Variants in WDR47 observed in about 807,000 individuals in gnomAD.
WDR47 encodes the protein WD repeat domain 47, also known as WD repeat-containing protein 47.
A neutral mutation model predicts 97.2 loss-of-function variants in WDR47; 32 were observed. The observed-to-expected ratio is 0.33, with a 90% CI of 0.25 to 0.44. WDR47 has a LOEUF of 0.44. WDR47 is among the 20% of genes least tolerant of loss of function. The pLI, the probability that WDR47 is intolerant of heterozygous loss-of-function variation, is 1.00. For missense variants in WDR47, 782 were observed against 1,102.3 expected (o/e 0.71, Z 4.11); for synonymous variants, 375 against 373.5 (o/e 1.00, Z -0.05).
In WDR47 at chr1:108,981,768, C is replaced by T; in HGVS notation, c.2363G>A (p.Cys788Tyr). 1.9e-6 allele frequency: 3 copies of T among 1,613,716 alleles called. No individual in the cohort carries two copies. Among genetic ancestry groups the T allele is most frequent in the South Asian group, 2.2e-5 (2 of 91,048 alleles). The change falls in exon 13 of 15, where the codon TGT becomes TAT. Residue 788 changes from cysteine (C) to tyrosine (Y), a missense_variant. Coordinates refer to ENST00000369962, the MANE Select transcript of WDR47 (RefSeq NM_001142551.2). ...AAATGTTGTGCCAACAACACGAACA[C>T]AACTTGGTACTCGAAGATCCCAAAA... The part of the protein sequence containing the change: ...VRFWDLRVPS[C>Y]VRVVGTTFHG...
At chr1:108,987,987 G>C (rs777616790) in intron 9 of WDR47, among the ~76,000 whole-genome samples, 1 of 151,684 alleles carries the variant, frequency 6.6e-6, no homozygotes, top group Non-Finnish European at 1.5e-5. Flanking sequence ...TATAATCCCA[G>C]CACTTTGTGA....
intron 9 of WDR47, 40 bp from the exon 10 acceptor site, chr1:108,986,720 T>C: frequency 6.8e-7 from 1 of 1,469,866 alleles, no homozygotes; most frequent in South Asian, 1.3e-5. Flanking sequence ...ATTAAAAAAA[T>C]GAATTTGAAA....
rs113641509 is a variant in WDR47 at position 108,983,509 on chromosome 1, G to C, written c.1926-58C>G. 1.5e-4 allele frequency: 213 copies of C among 1,426,904 alleles called. 4 individuals carry two copies. In the African/African-American group the frequency reaches 2.4e-3, roughly 16 times the overall value. 88.4% of individuals were successfully genotyped at this position (1,426,904 alleles called of 1,614,324 possible). On this transcript the variant is annotated intron_variant, in intron 10 of 14. Transcript: ENST00000369962. ...TTTCTTGCTTGCTACAATCAGTTATGAGGTTCCATATTATACTTGTTCTTG... is the reference window on the plus strand; with the variant it reads ...TTTCTTGCTTGCTACAATCAGTTATCAGGTTCCATATTATACTTGTTCTTG...
At chr1:109,026,084 T>C (rs1448871918) in intron 1 of WDR47, among the ~76,000 whole-genome samples, 1 of 151,918 alleles carries the variant, frequency 6.6e-6, no homozygotes, top group Admixed American at 6.6e-5. Context: ...TCTTGCTCTG[T>C]CACCTAGGTT....
At position 109,011,666 on chromosome 1, in the gene WDR47, T is replaced by G; in HGVS notation, c.380A>C (p.Tyr127Ser). 1 of 1,614,180 alleles carries G rather than the reference T, an allele frequency of 6.2e-7. No individual in the cohort carries two copies. The highest frequency in any genetic ancestry group is 8.5e-7 in the Non-Finnish European group (1 of 1,180,028). Residue 127 changes from tyrosine to serine, a missense_variant, in exon 5 of 15, where the codon TAC becomes TCC. Physicochemically the swap from Tyr to Ser is moderately radical, Grantham distance 144 (BLOSUM62 -2). Coordinates refer to ENST00000369962, the MANE Select transcript of WDR47 (RefSeq NM_001142551.2). ...ACTATAGTCATCTTTAGAAGGACAG[T>G]ATTCTTCTAGAGCATGTAAACATTG... ...AVQCLHALEE[Y>S]CPSKDDYSKL...
At chr1:108,990,996 T>A (rs917546548) in intron 9 of WDR47, among the ~76,000 whole-genome samples, 1 of 151,650 alleles carries the variant, frequency 6.6e-6, no homozygotes, top group Non-Finnish European at 1.5e-5. Flanking sequence ...GTGGGGTTTT[T>A]TTTTGTTTTT....
intron 13 of WDR47, among the ~76,000 whole-genome samples, chr1:108,975,053 C>G (rs1471102310): frequency 9.0e-6 from 1 of 110,726 alleles, no homozygotes; most frequent in East Asian, 2.7e-4. Context: ...AACCACTTTT[C>G]TCAATCCAGT....
chr1:109,039,558 G>T (rs953916230), intron 1 of WDR47, among the ~76,000 whole-genome samples: 1 of 152,006 alleles, frequency 6.6e-6, no homozygotes, highest in Admixed American at 6.6e-5. Context: ...ACGCCCAGCC[G>T]GTATAAACCC....
intron 2 of WDR47, 105 bp from the exon 3 acceptor site, chr1:109,017,706 A>C: frequency 2.4e-6 from 2 of 850,722 alleles, no homozygotes; most frequent in Non-Finnish European, 3.7e-6. Context: ...AAAGCACACA[A>C]TGAGATTAAC....
In WDR47 at chr1:108,983,433, C is replaced by T; in HGVS notation, c.1944G>A (p.Lys648=). ...VIDPSAHETP[K]QPVVRFKRNK... is the part of the protein sequence containing the mutation. ...TCCTTTTAAAACGTACCACCGGCTG[C>T]TTAGGAGTCTCATGTGCACTGAAAA... Residue 648 remains lysine (K), a synonymous_variant, in exon 11 of 15, where the codon AAG becomes AAA. Coordinates refer to ENST00000369962, the MANE Select transcript of WDR47 (RefSeq NM_001142551.2). 1.9e-6 allele frequency: 3 copies of T among 1,598,112 alleles called. No individual in the cohort carries two copies. Among genetic ancestry groups the T allele is most frequent in the South Asian group, 2.3e-5 (2 of 88,406 alleles).
intron 9 of WDR47, among the ~76,000 whole-genome samples, chr1:108,987,973 T>C (rs575134961): frequency 2.2e-4 from 33 of 151,856 alleles, no homozygotes; most frequent in African/African-American, 7.0e-4. Flanking sequence ...CGGTGGCTCA[T>C]GCCTATAATC....
At chr1:109,005,585 G>T (rs564599389) in intron 5 of WDR47, among the ~76,000 whole-genome samples, 5 of 152,118 alleles carry the variant, frequency 3.3e-5, no homozygotes. Context: ...TTTAAAATCA[G>T]TTGGGTGGGC....
intron 3 of WDR47, among the ~76,000 whole-genome samples, chr1:109,014,158 A>C (rs1661238213): frequency 6.6e-6 from 1 of 152,184 alleles, no homozygotes; most frequent in South Asian, 2.1e-4. Flanking sequence ...TTTATGGAAG[A>C]TATCAAATGT....
intron 1 of WDR47, among the ~76,000 whole-genome samples, chr1:109,036,512 G>A (rs1190100364): frequency 7.5e-6 from 1 of 133,448 alleles, no homozygotes; most frequent in African/African-American, 2.8e-5. Flanking sequence ...TACAGCCTGG[G>A]CGACTGAGCA....
At chr1:109,021,110 T>G (rs1661806152) in intron 2 of WDR47, among the ~76,000 whole-genome samples, 1 of 152,218 alleles carries the variant, frequency 6.6e-6, no homozygotes, top group Admixed American at 6.5e-5. Context: ...AATTTGGGAT[T>G]TTCCGTTTCT....
intron 13 of WDR47, among the ~76,000 whole-genome samples, chr1:108,977,384 C>T (rs1377387287): frequency 6.6e-6 from 1 of 152,070 alleles, no homozygotes; most frequent in African/African-American, 2.4e-5. Flanking sequence ...GAGCTCCTGA[C>T]CTCAGGAAAT....
intron 8 of WDR47, among the ~76,000 whole-genome samples, chr1:108,994,695 T>C (rs976672815): frequency 6.6e-6 from 1 of 152,184 alleles, no homozygotes; most frequent in Non-Finnish European, 1.5e-5. Context: ...TGAAGTACTA[T>C]TTGTCTTTTG....
At chr1:108,988,962 T>C (rs540793998) in intron 9 of WDR47, among the ~76,000 whole-genome samples, 86 of 152,268 alleles carry the variant, frequency 5.6e-4, no homozygotes, top group African/African-American at 2.0e-3. Context: ...TTCACCATGT[T>C]GGCCAGACTG....
chr1:109,030,944 G>A lies in WDR47; in HGVS notation c.-9-7423C>T, dbSNP rs577416619. Reference sequence around the variant, plus strand: ...CTTCATTCATAAAGTAAGGGGATTCGTTTGTCTAATTTCTATGATTTCCCT... The same window carrying A: ...CTTCATTCATAAAGTAAGGGGATTCATTTGTCTAATTTCTATGATTTCCCT... On this transcript the variant is annotated intron_variant, in intron 1 of 14. Coordinates refer to ENST00000369962, the MANE Select transcript of WDR47 (RefSeq NM_001142551.2). Among the ~76,000 whole-genome samples the A allele has an allele frequency of 5.5e-4, 77 of 139,046 alleles. 13 individuals are homozygous for A. Among genetic ancestry groups the A allele is most frequent in the Non-Finnish European group, 1.0e-3 (64 of 62,652 alleles). 91.2% of individuals were successfully genotyped at this position (139,046 alleles called of 152,430 possible).
Sources: allele counts gnomAD v4.1 joint callset (sites outside exome capture counted in the v4.1 genomes callset), GRCh38; gene constraint gnomAD v4.1.1; transcripts MANE v1.5; gene names NCBI Gene and HGNC (gene_info 2026-07-23, HGNC 2026-07-21).